TTC7B: variants seen among roughly 807,000 people sequenced by gnomAD.
TTC7B encodes the protein tetratricopeptide repeat domain 7B, also known as tetratricopeptide repeat protein 7B.
A neutral mutation model predicts 106.8 loss-of-function variants in TTC7B; 28 were observed. That is an observed-to-expected ratio of 0.26 (90% CI 0.19 to 0.36). The LOEUF is 0.36. Among genes scored for constraint, TTC7B ranks in the 10% least tolerant of loss-of-function variants. The probability of loss-of-function intolerance (pLI) is 1.00; values close to 1 mark genes in which losing one functional copy is unlikely to be tolerated. For missense variants in TTC7B, 862 were observed against 1,076.4 expected, an observed-to-expected ratio of 0.80 and a Z score of 2.79; for synonymous variants, 405 against 430.6, an observed-to-expected ratio of 0.94 and a Z score of 0.74.
At chr14:90,593,713 C>T in intron 17 of TTC7B, 87 bp from the exon 18 acceptor site, 1 of 1,267,550 alleles carries the variant, frequency 7.9e-7, no homozygotes, top group Non-Finnish European at 1.1e-6. Context: ...AAGCGCGGAA[C>T]ACACACACCC....
chr14:90,587,258 T>C (rs1891754774), intron 18 of TTC7B, among the ~76,000 whole-genome samples: 1 of 152,196 alleles, frequency 6.6e-6, no homozygotes, highest in African/African-American at 2.4e-5. Flanking sequence ...TTGAAAGTGG[T>C]CCTTTCATGC....
intron 5 of TTC7B, among the ~76,000 whole-genome samples, chr14:90,725,640 C>A (rs1349642539): frequency 1.3e-5 from 2 of 152,178 alleles, no homozygotes; most frequent in Non-Finnish European, 2.9e-5. Context: ...AGGTCTGAAC[C>A]ATCCCTGCCT....
At chr14:90,662,760 GC>G (rs1328825535) in intron 9 of TTC7B, among the ~76,000 whole-genome samples, 1 of 152,148 alleles carries the variant, frequency 6.6e-6, no homozygotes, top group Non-Finnish European at 1.5e-5. Context: ...TCAGAAACAG[GC>G]TAGTGAGTAC....
At chr14:90,756,372 CTTTTTTTTTTTGT>C (rs1282150538) in intron 3 of TTC7B, among the ~76,000 whole-genome samples, 37 of 139,822 alleles carry the variant, frequency 2.6e-4, no homozygotes, top group African/African-American at 5.6e-4. Flanking sequence ...TTATTTTCTT[CTTTTTTTTTTTGT>C]TTTTTTTTTT....
chr14:90,729,973 T>A, intron 5 of TTC7B, 102 bp downstream of exon 5: 1 of 1,279,962 alleles, frequency 7.8e-7, no homozygotes, highest in Non-Finnish European at 1.0e-6. Flanking sequence ...GTAGTTCATA[T>A]TTAAAATTCC....
intron 16 of TTC7B, among the ~76,000 whole-genome samples, chr14:90,612,551 C>A (rs958990319): frequency 1.3e-5 from 2 of 152,316 alleles, no homozygotes; most frequent in African/African-American, 4.8e-5. Flanking sequence ...AGGTTTGTTT[C>A]AGACATTCTC....
At chr14:90,681,346 T>C (rs1007620793) in intron 7 of TTC7B, among the ~76,000 whole-genome samples, 1 of 151,570 alleles carries the variant, frequency 6.6e-6, no homozygotes, top group African/African-American at 2.4e-5. Flanking sequence ...ACGAAGAGAG[T>C]GCAATAAATA....
intron 5 of TTC7B, among the ~76,000 whole-genome samples, chr14:90,726,286 C>T (rs1889099605): frequency 6.6e-6 from 1 of 152,334 alleles, no homozygotes; most frequent in African/African-American, 2.4e-5. Flanking sequence ...AGTGCCACCG[C>T]GGTCAGACCA....
At chr14:90,606,104 A>G (rs1369987280) in intron 17 of TTC7B, among the ~76,000 whole-genome samples, 4 of 152,228 alleles carry the variant, frequency 2.6e-5, no homozygotes, top group African/African-American at 9.6e-5. Context: ...TTTCAACTGG[A>G]AAGGGTTAGG....
intron 7 of TTC7B, among the ~76,000 whole-genome samples, chr14:90,683,033 T>G (rs1248199607): frequency 6.6e-6 from 1 of 152,190 alleles, no homozygotes; most frequent in Non-Finnish European, 1.5e-5. Flanking sequence ...TCTTAAAAAT[T>G]TCCTCCGAAA....
intron 2 of TTC7B, 146 bp from the exon 3 acceptor site, chr14:90,781,052 A>G (rs1357567853): frequency 2.8e-6 from 2 of 703,118 alleles, no homozygotes; most frequent in Admixed American, 2.8e-5. Flanking sequence ...TGTTATCCAC[A>G]ATAGCCAAAC....
chr14:90,680,616 T>C (rs1413364560), intron 7 of TTC7B, 81 bp from the exon 8 acceptor site: 6 of 1,018,098 alleles, frequency 5.9e-6, no homozygotes, highest in Non-Finnish European at 9.0e-6. Flanking sequence ...ACTAAAAGCT[T>C]CCAGAATTTT....
chr14:90,605,238 G>C (rs1286460), intron 17 of TTC7B, among the ~76,000 whole-genome samples: 6 of 152,058 alleles, frequency 3.9e-5, no homozygotes, highest in Non-Finnish European at 8.8e-5. Flanking sequence ...AATTGAAAAC[G>C]GGAGTTTTTG....
At chr14:90,788,307 A>G (rs919886554) in intron 1 of TTC7B, among the ~76,000 whole-genome samples, 10 of 152,192 alleles carry the variant, frequency 6.6e-5, no homozygotes, top group Non-Finnish European at 8.8e-5. Flanking sequence ...CCAAGGCAAC[A>G]AGCAGCTTCC....
chr14:90,810,941 A>T (rs1399777122), intron 1 of TTC7B, among the ~76,000 whole-genome samples: 1 of 152,164 alleles, frequency 6.6e-6, no homozygotes, highest in Non-Finnish European at 1.5e-5. Context: ...AAAGTAGCCG[A>T]GGGAAGTCGG....
rs1458935636 is a variant in TTC7B at position 90,808,996 on chromosome 14, A to G, written c.121+7179T>C. On this transcript the variant is annotated intron_variant, in intron 1 of 19. Transcript: ENST00000328459. This position sits in a 1 kb window ranked among gnomAD's most constrained non-coding sequence, Gnocchi z 4.2. ...AAACGCCTGACTCAGTGTGGCTTCA[A>G]CAAGAAGGAATTTATTCTCTCACAT... is the stretch of plus-strand genomic sequence containing the variant. Among the ~76,000 whole-genome samples the G allele has an allele frequency of 1.3e-5, 2 of 152,226 alleles. No individual in the cohort carries two copies. The highest frequency in any genetic ancestry group is 2.9e-5 in the Non-Finnish European group (2 of 68,042).
chr14:90,803,145 A>G (rs1431889827), intron 1 of TTC7B, among the ~76,000 whole-genome samples: 1 of 151,480 alleles, frequency 6.6e-6, no homozygotes, highest in East Asian at 1.9e-4. Flanking sequence ...TCCGATGCAA[A>G]AAAAAAAAAT....
chr14:90,816,118 G>C lies in TTC7B; in HGVS notation c.121+57C>G, dbSNP rs1163941193. On this transcript the variant is annotated intron_variant, in intron 1 of 19. Coordinates refer to ENST00000328459, the MANE Select transcript of TTC7B (RefSeq NM_001010854.2). The stretch of plus-strand genomic sequence containing the variant: ...GCGCCCGGCCGCGCCTCGGGGGCCC[G>C]TTCCCGCGGAGGCCGCGGCGCCCCC... 3.0e-6 allele frequency: 3 copies of C among 1,009,254 alleles called. No individual in the cohort carries two copies. In the South Asian group the frequency reaches 1.1e-4, roughly 36 times the overall value. The allele number at this position is 1,009,254 out of a possible 1,614,324, so 62.5% of individuals were successfully genotyped here. A position where few individuals can be genotyped will look rare whatever the true frequency, so the allele number is the denominator to read the frequency against.
Position 90,797,075 on chromosome 14 carries a change from T to G in TTC7B, c.122-10747A>C, listed in dbSNP as rs542082439. Reference sequence around the variant, plus strand: ...GGCCAAGCTGGTCTGGAACTCCTGGTGTCAAGTGATCTGCCCGCCTTGGCC... The same window carrying G: ...GGCCAAGCTGGTCTGGAACTCCTGGGGTCAAGTGATCTGCCCGCCTTGGCC... On this transcript the variant is annotated intron_variant, in intron 1 of 19. Coordinates refer to ENST00000328459, the MANE Select transcript of TTC7B (RefSeq NM_001010854.2). 5.7e-4 allele frequency among the ~76,000 whole-genome samples: 85 copies of G among 149,672 alleles called. 1 individual carries two copies. The highest frequency in any genetic ancestry group is 1.0e-3 in the Non-Finnish European group (67 of 67,128).
Sources: gnomAD v4.1 joint callset for allele counts (sites outside exome capture counted in the v4.1 genomes callset) on GRCh38, gnomAD v4.1.1 for gene constraint, Gnocchi (gnomAD v3.1) non-coding constraint, MANE v1.5 for transcripts, NCBI Gene and HGNC (gene_info 2026-07-23, HGNC 2026-07-21) for gene names.